Variants in LRRC38 observed in about 807,000 individuals in gnomAD.
The protein encoded by LRRC38 is leucine-rich repeat-containing protein 38.
Under a neutral mutation model 16.4 loss-of-function variants are expected in LRRC38, and 5 were observed. The observed-to-expected ratio is 0.31, with a 90% CI of 0.16 to 0.64. The LOEUF (loss-of-function observed/expected upper bound fraction) is 0.64, where lower values mean the gene tolerates loss of function less well. LRRC38 is among the 30% of genes least tolerant of loss of function. The pLI is 0.80. For synonymous variants in LRRC38, 191 were observed against 190.2 expected, an observed-to-expected ratio of 1.00 and a Z score of -0.04; for missense variants, 341 against 401.8, an observed-to-expected ratio of 0.85 and a Z score of 1.29.
At chr1:13,512,604 A>G (rs1639285627) in intron 1 of LRRC38, among the ~76,000 whole-genome samples, 1 of 152,018 alleles carries the variant, frequency 6.6e-6, no homozygotes, top group Non-Finnish European at 1.5e-5. Context: ...CGTTTCCCAT[A>G]GAGTAGGCTG....
At chr1:13,504,786 A>G (rs1364679718) in intron 1 of LRRC38, among the ~76,000 whole-genome samples, 6 of 134,322 alleles carry the variant, frequency 4.5e-5, no homozygotes, top group Non-Finnish European at 7.9e-5. Flanking sequence ...GGGGAGAGGG[A>G]AAGAAAGAAG....
intron 1 of LRRC38, among the ~76,000 whole-genome samples, chr1:13,478,494 T>G (rs1193596430): frequency 6.6e-6 from 1 of 152,184 alleles, no homozygotes; most frequent in African/African-American, 2.4e-5. Flanking sequence ...CTTTTCCCAG[T>G]GAGAATAGCC....
At chr1:13,476,944 C>T (rs994612273) in intron 1 of LRRC38, among the ~76,000 whole-genome samples, 1 of 152,106 alleles carries the variant, frequency 6.6e-6, no homozygotes, top group East Asian at 1.9e-4. Flanking sequence ...ACTAAAAATA[C>T]AAAATACAAA....
chr1:13,513,132 C>A lies in LRRC38; in HGVS notation c.462G>T (p.Leu154=). 1 of 1,550,474 alleles carries A rather than the reference C, an allele frequency of 6.4e-7. No individual in the cohort carries two copies. The highest frequency in any genetic ancestry group is 8.7e-7 in the Non-Finnish European group (1 of 1,146,904). Residue 154 remains leucine, a synonymous_variant, in exon 1 of 2, where the codon CTG becomes CTT. Coordinates refer to ENST00000376085, the MANE Select transcript of LRRC38 (RefSeq NM_001010847.2). ...TGTTGTCGTTGAGCTCCAGCACCTG[C>A]AGCGACTCCAGGGTCTCGAAGGCGT... ...HEDAFETLES[L]QVLELNDNNL...
chr1:13,500,080 G>A (rs1189610371), intron 1 of LRRC38, among the ~76,000 whole-genome samples: 14 of 151,786 alleles, frequency 9.2e-5, no homozygotes, highest in East Asian at 3.9e-4. Flanking sequence ...GAGAAACCCC[G>A]TCTCTACTAA....
Position 13,475,874 on chromosome 1 carries a change from T to G in LRRC38, c.857A>C (p.Glu286Ala), listed in dbSNP as rs1482751648. Residue 286 changes from glutamate to alanine, a missense_variant, in exon 2 of 2, where the codon GAG becomes GCG. By Grantham distance (107) the Glu-to-Ala change is moderately radical (BLOSUM62 -1). Coordinates refer to ENST00000376085, the MANE Select transcript of LRRC38 (RefSeq NM_001010847.2). This position sits in a 1 kb window ranked among gnomAD's most constrained non-coding sequence, Gnocchi z 4.3. ...LQRCAPNKDA[E>A]DEDEDKDD Reference sequence around the variant, plus strand: ...GTCATCCTTGTCCTCGTCTTCATCCTCCGCATCTTTGTTGGGTGCGCACCT... The same window carrying G: ...GTCATCCTTGTCCTCGTCTTCATCCGCCGCATCTTTGTTGGGTGCGCACCT... 6.5e-7 allele frequency: 1 copy of G among 1,550,258 alleles called. No homozygotes were observed. Among genetic ancestry groups the G allele is most frequent in the Non-Finnish European group, 8.7e-7 (1 of 1,146,982 alleles).
At chr1:13,497,873 T>C (rs1003389477) in intron 1 of LRRC38, among the ~76,000 whole-genome samples, 1 of 147,946 alleles carries the variant, frequency 6.8e-6, no homozygotes, top group African/African-American at 2.5e-5. Flanking sequence ...GGCAGGAGAA[T>C]CGCTTGAACC....
At chr1:13,479,219 G>T (rs929310044) in intron 1 of LRRC38, among the ~76,000 whole-genome samples, 6 of 151,602 alleles carry the variant, frequency 4.0e-5, no homozygotes, top group Non-Finnish European at 8.8e-5. Context: ...CAATCAACCT[G>T]CCTCCTAACA....
intron 1 of LRRC38, among the ~76,000 whole-genome samples, chr1:13,481,788 C>CCTCTCTCCCTCT (rs1557495325): frequency 2.9e-5 from 1 of 34,466 alleles, no homozygotes; most frequent in Non-Finnish European, 5.1e-5. Flanking sequence ...TCCCTCTCTC[C>CCTCTCTCCCTCT]CTCTCTCTCT....
intron 1 of LRRC38, among the ~76,000 whole-genome samples, chr1:13,483,885 A>G (rs1638898720): frequency 7.1e-6 from 1 of 141,136 alleles, no homozygotes; most frequent in Non-Finnish European, 1.5e-5. Flanking sequence ...GGGTGCCCAT[A>G]TTAGGGTGTT....
At position 13,493,272 on chromosome 1, in the gene LRRC38, G is replaced by A. The variant is rs7537382; in HGVS notation, c.632-17173C>T. 4.2e-3 allele frequency among the ~76,000 whole-genome samples: 635 copies of A among 152,080 alleles called. 4 individuals are homozygous for A. The highest frequency in any genetic ancestry group is 0.015 in the African/African-American group (618 of 41,476). ...GTGGCCTTCAGCGGGGCTCGGTGCT[G>A]CAGCAACTGCTGTCACCAGGGCCAG... On this transcript the variant is annotated intron_variant, in intron 1 of 1. Transcript: ENST00000376085.
At chr1:13,486,486 C>A (rs1371333045) in intron 1 of LRRC38, among the ~76,000 whole-genome samples, 1 of 152,148 alleles carries the variant, frequency 6.6e-6, no homozygotes, top group African/African-American at 2.4e-5. Context: ...TTCATACCCA[C>A]CTGTTGCCCT....
chr1:13,478,595 T>G (rs1037315601), intron 1 of LRRC38, among the ~76,000 whole-genome samples: 1 of 152,194 alleles, frequency 6.6e-6, no homozygotes, highest in Non-Finnish European at 1.5e-5. Flanking sequence ...AGGAAAACCT[T>G]CACCTCCTCT....
chr1:13,488,104 C>T (rs766142411), intron 1 of LRRC38, among the ~76,000 whole-genome samples: 4 of 151,382 alleles, frequency 2.6e-5, no homozygotes, highest in Admixed American at 2.0e-4. Context: ...ACCACTCTGT[C>T]GGATAACCAT....
intron 1 of LRRC38, among the ~76,000 whole-genome samples, chr1:13,484,019 G>T (rs917119964): frequency 1.1e-4 from 17 of 151,980 alleles, no homozygotes; most frequent in Admixed American, 9.2e-4. Flanking sequence ...ACTACTTCTA[G>T]TCATTCCTCT....
chr1:13,475,129 A>C lies in LRRC38; in HGVS notation c.*717T>G. 1 of 152,152 alleles carries C rather than the reference A, an allele frequency of 6.6e-6. No homozygotes were observed. Among genetic ancestry groups the C allele is most frequent in the East Asian group, 1.9e-4 (1 of 5,186 alleles). 9.4% of individuals were successfully genotyped at this position (152,152 alleles called of 1,614,324 possible). A position where few individuals can be genotyped will look rare whatever the true frequency, so the allele number is the denominator to read the frequency against. ...GCATCCTCAAGCATTGAAGGGGTGA[A>C]GGAGCTCTCTGGGGCCACCTTTCAT... On this transcript the variant is annotated 3_prime_UTR_variant, in exon 2 of 2. Transcript: ENST00000376085. The surrounding 1 kb of genome is among the most constrained non-coding windows in gnomAD (Gnocchi z 4.3).
intron 1 of LRRC38, among the ~76,000 whole-genome samples, chr1:13,511,348 C>G (rs1407490047): frequency 6.6e-6 from 1 of 152,064 alleles, no homozygotes; most frequent in African/African-American, 2.4e-5. Context: ...GATTTTAGGC[C>G]AGGACTTAAA....
chr1:13,513,380 G>A lies in LRRC38; in HGVS notation c.214C>T (p.Pro72Ser), dbSNP rs559382090. 1 of 1,550,698 alleles carries A rather than the reference G, an allele frequency of 6.4e-7. No homozygotes were observed. Among genetic ancestry groups the A allele is most frequent in the Admixed American group, 2.0e-5 (1 of 51,008 alleles). ...LVAGNRIQRI[P>S]EDFFIFYGDL... The stretch of plus-strand genomic sequence containing the variant: ...CCGTAGAAGATGAAGAAGTCCTCGG[G>A]GATCCGCTGGATGCGGTTGCCGGCC... Residue 72 changes from proline to serine, a missense_variant, in exon 1 of 2, where the codon CCC becomes TCC. Coordinates refer to ENST00000376085, the MANE Select transcript of LRRC38 (RefSeq NM_001010847.2).
chr1:13,478,484 C>T (rs1033126075), intron 1 of LRRC38, among the ~76,000 whole-genome samples: 3 of 152,182 alleles, frequency 2.0e-5, no homozygotes, highest in South Asian at 2.1e-4. Context: ...ACAAGGTGCC[C>T]TTTTCCCAGT....
Sources: gnomAD v4.1 joint callset for allele counts (sites outside exome capture counted in the v4.1 genomes callset) on GRCh38, gnomAD v4.1.1 for gene constraint, Gnocchi (gnomAD v3.1) non-coding constraint, MANE v1.5 for transcripts, NCBI Gene and HGNC (gene_info 2026-07-23, HGNC 2026-07-21) for gene names.